ALS2CL: variants seen among roughly 807,000 people sequenced by gnomAD.
ALS2CL encodes ALS2 C-terminal like, also known as ALS2 C-terminal-like protein.
ALS2CL carries 112 observed loss-of-function variants against 127.9 expected under a neutral mutation model. The observed-to-expected ratio is 0.88, with a 90% CI of 0.75 to 1.02. The LOEUF (loss-of-function observed/expected upper bound fraction) is 1.02, where lower values mean the gene tolerates loss of function less well. ALS2CL is among the 50% of genes least tolerant of loss of function. The probability of loss-of-function intolerance (pLI) is 0.00; values close to 1 mark genes in which losing one functional copy is unlikely to be tolerated. For missense variants in ALS2CL, 1,174 were observed against 1,236.7 expected (o/e 0.95, Z 0.76); for synonymous variants, 519 against 527.6 (o/e 0.98, Z 0.22).
In ALS2CL at chr3:46,674,577, C is replaced by G. The variant is rs1449817367; in HGVS notation, c.2418G>C (p.Leu806=). ...LFPDTQLLEF[L]DVQKHLWPLK... ...AAGGGAAGGCTTACTTCTGCACATC[C>G]AGGAACTCGAGCAGTTGGGTATCAG... Residue 806 remains leucine, a synonymous_variant, in exon 21 of 26, where the codon CTG becomes CTC. Transcript: ENST00000318962. 6.2e-7 allele frequency: 1 copy of G among 1,612,520 alleles called. No homozygotes were observed. The highest frequency in any genetic ancestry group is 8.5e-7 in the Non-Finnish European group (1 of 1,179,270).
At position 46,688,295 on chromosome 3, in the gene ALS2CL, G is replaced by A. The variant is rs1699937814; in HGVS notation, c.105C>T (p.Ala35=). 6.2e-7 allele frequency: 1 copy of A among 1,612,174 alleles called. No individual in the cohort carries two copies. Among genetic ancestry groups the A allele is most frequent in the Non-Finnish European group, 8.5e-7 (1 of 1,179,700 alleles). The change falls in exon 3 of 26, where the codon GCC becomes GCT. Residue 35 remains alanine, a splice_region_variant and synonymous_variant. Coordinates refer to ENST00000318962, the MANE Select transcript of ALS2CL (RefSeq NM_147129.5). ...SLVLQPLLPA[A]PDPSDPWGRE... ...TGCCCCAGGGATCCGAGGGATCTGGGGCTGGGGAAGGAGTACAGTCACACT... is the reference window on the plus strand; with the variant it reads ...TGCCCCAGGGATCCGAGGGATCTGGAGCTGGGGAAGGAGTACAGTCACACT...
rs1699847066 is a variant in ALS2CL, at chr3:46,687,087, C to A, written c.430G>T (p.Gly144Cys). The A allele has an allele frequency of 6.3e-7, 1 of 1,590,414 alleles. No homozygotes were observed. The highest frequency in any genetic ancestry group is 1.1e-5 in the South Asian group (1 of 89,012). ...RQLLSGVSSE[G>C]SVGASLGQAL... ...TGGCCCAGCGATGCGCCCACCGAGC[C>A]CTCTGAGCTCACACCTGAAAGCAGC... The change falls in exon 5 of 26, where the codon GGC becomes TGC. Residue 144 changes from glycine (G) to cysteine (C), a missense_variant. By Grantham distance (159) the Gly-to-Cys change is radical. Transcript: ENST00000318962.
chr3:46,680,371 G>A, intron 14 of ALS2CL, 59 bp downstream of exon 14: 17 of 1,520,498 alleles, frequency 1.1e-5, no homozygotes, highest in African/African-American at 2.7e-5. Flanking sequence ...CTCAGCCTCA[G>A]TGCCCCCAGC....
In ALS2CL at chr3:46,676,325, A is replaced by G. The variant is rs1235561204; in HGVS notation, c.2106T>C (p.Gly702=). 6.2e-7 allele frequency: 1 copy of G among 1,613,630 alleles called. No homozygotes were observed. The highest frequency in any genetic ancestry group is 2.2e-5 in the East Asian group (1 of 44,866). Residue 702 remains glycine, a synonymous_variant, in exon 19 of 26, where the codon GGT becomes GGC. Coordinates refer to ENST00000318962, the MANE Select transcript of ALS2CL (RefSeq NM_147129.5). ...CCTGCAGGTGCTTGTTGGCCCCGAC[A>G]CCTGCGTAGGTAGCCTGGAAGGTCA... The part of the protein sequence containing the change: ...LMLTFQATYA[G]VGANKHLQEL...
chr3:46,672,645 C>T (rs1436936727), intron 22 of ALS2CL, among the ~76,000 whole-genome samples: 1 of 152,206 alleles, frequency 6.6e-6, no homozygotes. Context: ...TCCAGCCTGG[C>T]AGGCACATTT....
Position 46,686,392 on chromosome 3 carries a change from C to T in ALS2CL, c.582G>A (p.Gly194=). 6.2e-7 allele frequency: 1 copy of T among 1,613,770 alleles called. No homozygotes were observed. The highest frequency in any genetic ancestry group is 1.7e-4 in the Middle Eastern group (1 of 6,056). ...CCTGCTTCATGAAGGACTGCAGGTT[C>T]CCAAAGAGGGTGACTGCGTTCACCA... is the stretch of plus-strand genomic sequence containing the variant. ...ELVVNAVTLF[G]NLQSFMKQEL... is the part of the protein sequence containing the mutation. Residue 194 remains glycine, a synonymous_variant, in exon 6 of 26, where the codon GGG becomes GGA. Coordinates refer to ENST00000318962, the MANE Select transcript of ALS2CL (RefSeq NM_147129.5). This position sits in a 1 kb window ranked among gnomAD's most constrained non-coding sequence, Gnocchi z 4.3.
At position 46,687,168 on chromosome 3, in the gene ALS2CL, C is replaced by T. The variant is rs187105600; in HGVS notation, c.369-20G>A. ...TACTCGCTGCGTGTAGAGAGGGCCA[C>T]GCACCACCTTCACCCCTTCCTCCAT... On this transcript the variant is annotated intron_variant, in intron 4 of 25. Coordinates refer to ENST00000318962, the MANE Select transcript of ALS2CL (RefSeq NM_147129.5). The T allele has an allele frequency of 1.2e-4, 187 of 1,531,502 alleles. No homozygotes were observed. In the African/African-American group the frequency reaches 1.6e-3, roughly 13 times the overall value. 94.9% of individuals were successfully genotyped at this position (1,531,502 alleles called of 1,614,324 possible).
At chr3:46,688,947 A>C (rs1188115394) in intron 2 of ALS2CL, among the ~76,000 whole-genome samples, 2 of 152,228 alleles carry the variant, frequency 1.3e-5, no homozygotes, top group Non-Finnish European at 1.5e-5. Context: ...AGGAGCAGTC[A>C]GACTTGGCGC....
rs1350704621 is a variant in ALS2CL at position 46,683,193 on chromosome 3, G to A, written c.1046C>T (p.Ala349Val). ...DCRCAEYTFQ[A>V]EGRLCQATYE... ...GGTGGCCTGGCAGAGCCGGCCCTCTGCCTGGAAGGTATATTCTGCGCAGCG... is the reference window on the plus strand; with the variant it reads ...GGTGGCCTGGCAGAGCCGGCCCTCTACCTGGAAGGTATATTCTGCGCAGCG... The change falls in exon 10 of 26, where the codon GCA becomes GTA. Residue 349 changes from alanine to valine, a missense_variant. Physicochemically the swap from Ala to Val is moderately conservative, Grantham distance 64 (BLOSUM62 0). Transcript: ENST00000318962. 3 of 1,606,794 alleles carry A rather than the reference G, an allele frequency of 1.9e-6. No individual in the cohort carries two copies. In the East Asian group the frequency reaches 6.7e-5, roughly 36 times the overall value.
In ALS2CL at chr3:46,679,202, G is replaced by T. The variant is rs757131529; in HGVS notation, c.1626+8C>A. On this transcript the variant is annotated splice_region_variant and intron_variant, in intron 15 of 25. Transcript: ENST00000318962. ...CAGGGTGTGGAGGGGGGCCTCAGTG[G>T]TCCTCACCTTCCCCATGAGGGTCAG... The T allele has an allele frequency of 2.6e-6, 4 of 1,556,938 alleles. No individual in the cohort carries two copies. The South Asian group carries it at 3.6e-5, about 14-fold the overall frequency.
chr3:46,671,936 GC>G lies in ALS2CL; in HGVS notation c.2631del (p.Lys877AsnfsTer29). ...AGTGGCAGCAGGTCGTCCATGGGCAGCTTGTACTCCCGGCCCAATACCCTCG... is the reference window on the plus strand; with the variant it reads ...AGTGGCAGCAGGTCGTCCATGGGCAGTTGTACTCCCGGCCCAATACCCTCG... Reference protein sequence around the residue: ...TVSRVLGREYKLPMDDLLPLL... With the variant: ...TVSRVLGREYXLPMDDLLPLL... On this transcript the variant is annotated frameshift_variant, in exon 24 of 26. Transcript: ENST00000318962. LOFTEE classifies it high-confidence loss of function. 1 of 1,613,972 alleles carries G rather than the reference GC, an allele frequency of 6.2e-7. No homozygotes were observed. The highest frequency in any genetic ancestry group is 8.5e-7 in the Non-Finnish European group (1 of 1,180,006).
intron 8 of ALS2CL, 32 bp downstream of exon 8, chr3:46,683,956 AG>A (rs776063001): frequency 5.0e-6 from 8 of 1,610,738 alleles, no homozygotes; most frequent in Non-Finnish European, 6.8e-6. Flanking sequence ...AAAGGGAAGA[AG>A]GCCTGGGGTG....
chr3:46,674,874 C>T (rs899980122), intron 20 of ALS2CL, 135 bp from the exon 21 acceptor site: 5 of 838,800 alleles, frequency 6.0e-6, no homozygotes, highest in Non-Finnish European at 8.9e-6. Flanking sequence ...CCCAGAAAAC[C>T]TTTTCCAAGC....
chr3:46,677,321 G>T (rs1338132385), intron 16 of ALS2CL: 1 of 1,237,474 alleles, frequency 8.1e-7, no homozygotes, highest in African/African-American at 1.5e-5. Flanking sequence ...CAGAGAGGGG[G>T]TCTTGGTCCA....
At chr3:46,684,652 A>AG (rs1699631550) in intron 7 of ALS2CL, among the ~76,000 whole-genome samples, 1 of 152,186 alleles carries the variant, frequency 6.6e-6, no homozygotes, top group Admixed American at 6.5e-5. Flanking sequence ...AGGGGTGAGG[A>AG]GGAGCTTGCC....
Position 46,688,233 on chromosome 3 carries a change from C to T in ALS2CL, c.167G>A (p.Ser56Asn). The change falls in exon 3 of 26, where the codon AGC (serine) becomes AAC (asparagine). Residue 56 changes from serine to asparagine, a missense_variant. Coordinates refer to ENST00000318962, the MANE Select transcript of ALS2CL (RefSeq NM_147129.5). ...CGTCACCTCCCAGAGTTGCTGGGAGCTCTTGTGCAGCTGTTGCAAGAGCCG... is the reference window on the plus strand; with the variant it reads ...CGTCACCTCCCAGAGTTGCTGGGAGTTCTTGTGCAGCTGTTGCAAGAGCCG... ...CLRLLQQLHKSSQQLWEVTEE... is the reference protein window; with the variant it reads ...CLRLLQQLHKNSQQLWEVTEE... 6.2e-7 allele frequency: 1 copy of T among 1,613,002 alleles called. No individual in the cohort carries two copies. The highest frequency in any genetic ancestry group is 8.5e-7 in the Non-Finnish European group (1 of 1,179,998).
intron 19 of ALS2CL, chr3:46,675,951 G>T: frequency 7.0e-7 from 1 of 1,423,908 alleles, no homozygotes; most frequent in Non-Finnish European, 9.1e-7. Flanking sequence ...CTGCAGGTGT[G>T]TTCCGAGTCC....
At position 46,681,246 on chromosome 3, in the gene ALS2CL, C is replaced by T. The variant is rs1413066369; in HGVS notation, c.1436G>A (p.Arg479Lys). The change falls in exon 13 of 26, where the codon AGA (arginine) becomes AAA (lysine). Residue 479 changes from arginine (R) to lysine (K), a missense_variant and splice_region_variant. Arg to Lys is a conservative substitution (Grantham distance 26). Transcript: ENST00000318962. The surrounding 1 kb of genome is among the most constrained non-coding windows in gnomAD (Gnocchi z 4.9). The stretch of plus-strand genomic sequence containing the variant: ...GGAGTGGTGGCTGCAGGGCGCTCAC[C>T]TGTCACCATCCTCCTCAATGCCATA... ...SGYGIEEDGD[R>K]GERYIGMWQA... is the part of the protein sequence containing the mutation. 1 of 1,613,812 alleles carries T rather than the reference C, an allele frequency of 6.2e-7. No individual in the cohort carries two copies. The highest frequency in any genetic ancestry group is 8.5e-7 in the Non-Finnish European group (1 of 1,179,976).
chr3:46,670,570 T>G lies in ALS2CL; in HGVS notation c.*414A>C, dbSNP rs1698309778. On this transcript the variant is annotated 3_prime_UTR_variant, in exon 26 of 26. Transcript: ENST00000318962. This position sits in a 1 kb window ranked among gnomAD's most constrained non-coding sequence, Gnocchi z 5.5. ...ACAGCCCAGCAGACTAAAGTCAGTT[T>G]TCCAAAAGGACTCTGGAATTCAGCA... 1 of 192,684 alleles carries G rather than the reference T, an allele frequency of 5.2e-6. No individual in the cohort carries two copies. Among genetic ancestry groups the G allele is most frequent in the Non-Finnish European group, 1.1e-5 (1 of 91,084 alleles). 11.9% of individuals were successfully genotyped at this position (192,684 alleles called of 1,614,324 possible).
Sources: gnomAD v4.1 joint callset for allele counts (sites outside exome capture counted in the v4.1 genomes callset) on GRCh38, gnomAD v4.1.1 for gene constraint, Gnocchi (gnomAD v3.1) non-coding constraint, MANE v1.5 for transcripts, NCBI Gene and HGNC (gene_info 2026-07-23, HGNC 2026-07-21) for gene names.